BRIX1: variants seen among roughly 807,000 people sequenced by gnomAD.
The protein encoded by BRIX1 is ribosome biogenesis protein BRX1 homolog.
BRIX1 carries 15 observed loss-of-function variants against 44.0 expected under a neutral mutation model. The observed-to-expected ratio is 0.34, with a 90% CI of 0.23 to 0.53. The LOEUF (loss-of-function observed/expected upper bound fraction) is 0.53. Among genes scored for constraint, BRIX1 ranks in the 20% least tolerant of loss-of-function variants. The probability of loss-of-function intolerance (pLI) is 0.95; values close to 1 mark genes in which losing one functional copy is unlikely to be tolerated. For missense variants in BRIX1, 420 were observed against 432.8 expected (o/e 0.97, Z 0.26); for synonymous variants, 149 against 135.4 (o/e 1.10, Z -0.70).
In BRIX1 at chr5:34,919,740, G is replaced by T. The variant is rs1764200549; in HGVS notation, c.272-100G>T. The T allele has an allele frequency of 7.1e-6, 3 of 423,828 alleles. No individual in the cohort carries two copies. The South Asian group carries it at 1.5e-4, about 21-fold the overall frequency. The allele number at this position is 423,828 out of a possible 1,614,324, so 26.3% of individuals were successfully genotyped here. On this transcript the variant is annotated intron_variant, in intron 2 of 9. Coordinates refer to ENST00000336767, the MANE Select transcript of BRIX1 (RefSeq NM_018321.4). ...TAAAATCTCCTTTAAACTGAAGAGTGTAAAAACACTTTATTTTCTGGATAG... is the reference window on the plus strand; with the variant it reads ...TAAAATCTCCTTTAAACTGAAGAGTTTAAAAACACTTTATTTTCTGGATAG...
chr5:34,925,750 G>T lies in BRIX1; in HGVS notation c.*255G>T, dbSNP rs891381140. The T allele has an allele frequency of 1.2e-5, 4 of 339,876 alleles. No homozygotes were observed. The highest frequency in any genetic ancestry group is 6.4e-5 in the African/African-American group (3 of 46,880). The allele number at this position is 339,876 out of a possible 1,614,324, so 21.1% of individuals were successfully genotyped here. On this transcript the variant is annotated 3_prime_UTR_variant, in exon 10 of 10. Transcript: ENST00000336767. ...ACACTTAATGTAGCCTGTTCTCTTG[G>T]GTTGGAATTTTTGGTTTAGCAAAGC...
Position 34,924,645 on chromosome 5 carries a change from A to G in BRIX1, c.664-202A>G, listed in dbSNP as rs573686828. Among the ~76,000 whole-genome samples, 15 of 152,326 alleles carry G rather than the reference A, an allele frequency of 9.8e-5. No homozygotes were observed. In the South Asian group the frequency reaches 2.9e-3, roughly 29 times the overall value. ...TCAATTTTAAAAGAACTCACTGAAA[A>G]AACATTTTTCCATGACAACTTCCTA... On this transcript the variant is annotated intron_variant, in intron 8 of 9. Transcript: ENST00000336767.
In BRIX1 at chr5:34,915,829, A is replaced by G. The variant is rs1359423356; in HGVS notation, c.91A>G (p.Lys31Glu). 1.9e-6 allele frequency: 3 copies of G among 1,573,306 alleles called. No individual in the cohort carries two copies. The highest frequency in any genetic ancestry group is 2.7e-5 in the African/African-American group (2 of 73,946). ...CGAAATAGATGCGGAGCCGCCAGCT[A>G]AGCGGCACGCCACAGCAGAGGAGGT... The part of the protein sequence containing the change: ...RNEIDAEPPA[K>E]RHATAEEVEE... The change falls in exon 1 of 10, where the codon AAG (lysine) becomes GAG (glutamate). Residue 31 changes from lysine (K) to glutamate (E), a missense_variant. By Grantham distance (56) the Lys-to-Glu change is moderately conservative. Coordinates refer to ENST00000336767, the MANE Select transcript of BRIX1 (RefSeq NM_018321.4).
In BRIX1 at chr5:34,923,040, C is replaced by T; in HGVS notation, c.550C>T (p.Leu184Phe). 5 of 1,552,472 alleles carry T rather than the reference C, an allele frequency of 3.2e-6. No homozygotes were observed. The highest frequency in any genetic ancestry group is 1.4e-5 in the African/African-American group (1 of 73,674). Reference sequence around the variant, plus strand: ...ACCACATTATGCTTTGTTAAAAGAACTCTTAATTCAGGTAAATATCTTTAA... The same window carrying T: ...ACCACATTATGCTTTGTTAAAAGAATTCTTAATTCAGGTAAATATCTTTAA... The part of the protein sequence containing the change: ...ELPHYALLKE[L>F]LIQIFSTPRY... Residue 184 changes from leucine to phenylalanine, a missense_variant, in exon 7 of 10, where the codon CTC (leucine) becomes TTC (phenylalanine). Physicochemically the swap from Leu to Phe is conservative, Grantham distance 22. Transcript: ENST00000336767.
intron 1 of BRIX1, chr5:34,916,141 C>G (rs1764078821): frequency 5.0e-6 from 2 of 400,484 alleles, no homozygotes; most frequent in Non-Finnish European, 8.9e-6. Context: ...AAGCGACTTA[C>G]AGGGTGCTCA....
intron 2 of BRIX1, chr5:34,919,097 A>C (rs921220965): frequency 1.3e-5 from 2 of 150,908 alleles, no homozygotes; most frequent in African/African-American, 4.9e-5. Context: ...CAAAATAAAA[A>C]AAAAAAAAAA....
At chr5:34,916,446 T>C (rs1030085415) in intron 1 of BRIX1, 1 of 152,394 alleles carries the variant, frequency 6.6e-6, no homozygotes, top group Admixed American at 6.5e-5. Context: ...AGACATTGAA[T>C]GTGCCATGCA....
chr5:34,918,458 T>G lies in BRIX1; in HGVS notation c.254T>G (p.Met85Arg). The G allele has an allele frequency of 1.2e-6, 2 of 1,602,188 alleles. No homozygotes were observed. The highest frequency in any genetic ancestry group is 1.1e-5 in the South Asian group (1 of 89,602). The change falls in exon 2 of 10, where the codon ATG (methionine) becomes AGG (arginine). Residue 85 changes from methionine to arginine, a missense_variant. Physicochemically the swap from Met to Arg is moderately conservative, Grantham distance 91. Coordinates refer to ENST00000336767, the MANE Select transcript of BRIX1 (RefSeq NM_018321.4). Reference sequence around the variant, plus strand: ...TTAATGCAGGACTTGAGAATGTTGATGCCTCATTCTAAAGCAGGTGCCTTT... The same window carrying G: ...TTAATGCAGGACTTGAGAATGTTGAGGCCTCATTCTAAAGCAGGTGCCTTT... ...RHLMQDLRMLMPHSKADTKMD... is the reference protein window; with the variant it reads ...RHLMQDLRMLRPHSKADTKMD...
Position 34,924,946 on chromosome 5 carries a change from G to A in BRIX1, c.763G>A (p.Glu255Lys), listed in dbSNP as rs1248775198. Reference protein sequence around the residue: ...QGSFGGPTLYENPHYQSPNMH... With the variant: ...QGSFGGPTLYKNPHYQSPNMH... ...AAGTTTTGGAGGACCAACTTTATAT[G>A]AAAATCCTCACTACCAGTCACCAAA... is the stretch of plus-strand genomic sequence containing the variant. The change falls in exon 9 of 10, where the codon GAA (glutamate) becomes AAA (lysine). Residue 255 changes from glutamate to lysine, a missense_variant. Physicochemically the swap from Glu to Lys is moderately conservative, Grantham distance 56. Coordinates refer to ENST00000336767, the MANE Select transcript of BRIX1 (RefSeq NM_018321.4). 6.2e-7 allele frequency: 1 copy of A among 1,613,322 alleles called. No individual in the cohort carries two copies. Among genetic ancestry groups the A allele is most frequent in the African/African-American group, 1.3e-5 (1 of 74,920 alleles).
intron 1 of BRIX1, 43 bp from the exon 2 acceptor site, chr5:34,918,321 A>G: frequency 2.0e-6 from 2 of 1,010,896 alleles, no homozygotes. Context: ...AGATCAGTTC[A>G]GTATAAGATT....
rs1302464361 is a variant in BRIX1, at chr5:34,922,673, GT to G, written c.437-17del. On this transcript the variant is annotated intron_variant, in intron 5 of 9. Coordinates refer to ENST00000336767, the MANE Select transcript of BRIX1 (RefSeq NM_018321.4). ...TTGTGCAAAAGTTACAACTATTTTTGTTTTTGTTGTAATTTTTCTAGTTCAT... is the reference window on the plus strand; with the variant it reads ...TTGTGCAAAAGTTACAACTATTTTTGTTTTGTTGTAATTTTTCTAGTTCAT... 8.1e-6 allele frequency: 13 copies of G among 1,608,574 alleles called. No homozygotes were observed. In the African/African-American group the frequency reaches 1.7e-4, roughly 22 times the overall value.
chr5:34,923,143 C>T lies in BRIX1; in HGVS notation c.572C>T (p.Thr191Ile), dbSNP rs1333775770. 5 of 1,612,942 alleles carry T rather than the reference C, an allele frequency of 3.1e-6. No homozygotes were observed. The highest frequency in any genetic ancestry group is 3.3e-5 in the Admixed American group (2 of 60,014). Residue 191 changes from threonine (T) to isoleucine (I), a missense_variant, in exon 8 of 10, where the codon ACA becomes ATA. Thr to Ile is a moderately conservative substitution (Grantham distance 89). Transcript: ENST00000336767. The part of the protein sequence containing the change: ...LKELLIQIFS[T>I]PRYHPKSQPF... ...CACTTTTTTAACTAGATCTTTAGTA[C>T]ACCACGGTATCATCCCAAAAGCCAA...
rs1423818474 is a variant in BRIX1, at chr5:34,923,150, G to A, written c.579G>A (p.Arg193=). 1.2e-6 allele frequency: 2 copies of A among 1,613,630 alleles called. No individual in the cohort carries two copies. The highest frequency in any genetic ancestry group is 1.7e-5 in the Admixed American group (1 of 59,988). The part of the protein sequence containing the change: ...ELLIQIFSTP[R]YHPKSQPFVD... Reference sequence around the variant, plus strand: ...TTAACTAGATCTTTAGTACACCACGGTATCATCCCAAAAGCCAACCATTTG... The same window carrying A: ...TTAACTAGATCTTTAGTACACCACGATATCATCCCAAAAGCCAACCATTTG... The change falls in exon 8 of 10, where the codon CGG becomes CGA. Residue 193 remains arginine, a synonymous_variant. Transcript: ENST00000336767.
intron 6 of BRIX1, 63 bp downstream of exon 6, chr5:34,922,831 A>C: frequency 4.1e-6 from 6 of 1,453,286 alleles, no homozygotes; most frequent in Non-Finnish European, 5.8e-6. Context: ...TTTTTAGTAG[A>C]TATAGTTGTG....
chr5:34,915,928 C>CG (rs1463342408), intron 1 of BRIX1, 31 bp downstream of exon 1: 1 of 1,508,402 alleles, frequency 6.6e-7, no homozygotes, highest in African/African-American at 1.4e-5. Context: ...GCTACACCTG[C>CG]GGCGGCGGCT....
At position 34,918,375 on chromosome 5, in the gene BRIX1, A is replaced by G. The variant is rs1475551105; in HGVS notation, c.171A>G (p.Lys57=). The G allele has an allele frequency of 1.3e-6, 2 of 1,502,474 alleles. No homozygotes were observed. The highest frequency in any genetic ancestry group is 1.8e-6 in the Non-Finnish European group (2 of 1,085,900). The allele number at this position is 1,502,474 out of a possible 1,614,324, so 93.1% of individuals were successfully genotyped here. A position where few individuals can be genotyped will look rare whatever the true frequency, so the allele number is the denominator to read the frequency against. ...TTCTTTTTCTTTAGGGAAAGTGGAAAAATAAGGAACGGATTCTCATCTTTT... is the reference window on the plus strand; with the variant it reads ...TTCTTTTTCTTTAGGGAAAGTGGAAGAATAAGGAACGGATTCTCATCTTTT... ...IPGPVCKGKW[K]NKERILIFSS... Residue 57 remains lysine (K), a synonymous_variant, in exon 2 of 10, where the codon AAA becomes AAG. Coordinates refer to ENST00000336767, the MANE Select transcript of BRIX1 (RefSeq NM_018321.4).
chr5:34,919,883 G>T lies in BRIX1; in HGVS notation c.315G>T (p.Glu105Asp). The stretch of plus-strand genomic sequence containing the variant: ...AGGATAAGCTATTTGTGATTAACGA[G>T]GTAATTTTGGAAAGTAATTGCAACA... ...DRKDKLFVIN[E>D]VCEMKNCNKC... is the part of the protein sequence containing the mutation. The change falls in exon 3 of 10, where the codon GAG becomes GAT. Residue 105 changes from glutamate to aspartate, a missense_variant and splice_region_variant. Physicochemically the swap from Glu to Asp is conservative, Grantham distance 45 (BLOSUM62 2). Transcript: ENST00000336767. The T allele has an allele frequency of 1.7e-6, 2 of 1,148,510 alleles. No homozygotes were observed. The highest frequency in any genetic ancestry group is 1.3e-6 in the Non-Finnish European group (1 of 794,342). The allele number at this position is 1,148,510 out of a possible 1,614,324, so 71.1% of individuals were successfully genotyped here.
chr5:34,921,532 TAAG>T (rs1056035442), intron 3 of BRIX1: 9 of 152,344 alleles, frequency 5.9e-5, no homozygotes, highest in East Asian at 1.9e-4. Context: ...AGGATTAACA[TAAG>T]AAGATTAGTT....
At chr5:34,917,187 A>G (rs1487272344) in intron 1 of BRIX1, among the ~76,000 whole-genome samples, 2 of 152,204 alleles carry the variant, frequency 1.3e-5, no homozygotes, top group African/African-American at 4.8e-5. Context: ...ATGCTGAAAA[A>G]TGTAAAAAAT....
Sources: allele counts gnomAD v4.1 joint callset (sites outside exome capture counted in the v4.1 genomes callset), GRCh38; gene constraint gnomAD v4.1.1; transcripts MANE v1.5; gene names NCBI Gene and HGNC (gene_info 2026-07-23, HGNC 2026-07-21).